Variants in DNAH8 observed in about 807,000 individuals in gnomAD.
DNAH8 encodes dynein axonemal heavy chain 8, also known as axonemal beta dynein heavy chain 8.
Under a neutral mutation model 562.1 loss-of-function variants are expected in DNAH8, and 382 were observed. That is an observed-to-expected ratio of 0.68 (90% confidence interval 0.63 to 0.74). The LOEUF (loss-of-function observed/expected upper bound fraction) is 0.74, where lower values mean the gene tolerates loss of function less well. DNAH8 is among the 30% of genes least tolerant of loss of function. The pLI is 0.00. For missense variants in DNAH8, 5,203 were observed against 5,620.4 expected, an observed-to-expected ratio of 0.93 and a Z score of 2.37; for synonymous variants, 1,881 against 1,919.4, an observed-to-expected ratio of 0.98 and a Z score of 0.52.
At chr6:38,769,912 T>C (rs935157161) in intron 11 of DNAH8, among the ~76,000 whole-genome samples, 3 of 152,236 alleles carry the variant, frequency 2.0e-5, no homozygotes, top group African/African-American at 7.2e-5. Flanking sequence ...TACCCAGCAA[T>C]CTTATTCTCT....
At position 38,907,962 on chromosome 6, in the gene DNAH8, A is replaced by G. The variant is rs1004082639; in HGVS notation, c.9355A>G (p.Asn3119Asp). The change falls in exon 64 of 93, where the codon AAC becomes GAC. Residue 3119 changes from asparagine (N) to aspartate (D), a missense_variant. This residue lies in a region of DNAH8 where 977 missense variants were observed against 1,061.8 expected (regional missense o/e 0.92). Transcript: ENST00000327475. The stretch of plus-strand genomic sequence containing the variant: ...CCTTGTCCATTCCTTAAAGATCTCC[A>G]ACTTGTTTGCACGAGATGAGATGGA... ...NNLLSSGEIS[N>D]LFARDEMDEI... 6.3e-7 allele frequency: 1 copy of G among 1,596,754 alleles called. No individual in the cohort carries two copies. Among genetic ancestry groups the G allele is most frequent in the Non-Finnish European group, 8.5e-7 (1 of 1,173,324 alleles).
intron 49 of DNAH8, among the ~76,000 whole-genome samples, chr6:38,871,909 T>C (rs1777497517): frequency 6.6e-6 from 1 of 152,194 alleles, no homozygotes; most frequent in Non-Finnish European, 1.5e-5. Flanking sequence ...GGAGCAATCT[T>C]TGAGGTGTAA....
intron 85 of DNAH8, among the ~76,000 whole-genome samples, chr6:38,980,126 C>T (rs1763929045): frequency 6.6e-6 from 1 of 152,108 alleles, no homozygotes. Flanking sequence ...ACTGGGTGAG[C>T]CTCAGCATTG....
chr6:38,753,868 C>T (rs893595479), intron 9 of DNAH8, among the ~76,000 whole-genome samples: 3 of 152,094 alleles, frequency 2.0e-5, no homozygotes. Context: ...TCAAGCATCA[C>T]CTTTTGAAAT....
intron 32 of DNAH8, among the ~76,000 whole-genome samples, chr6:38,834,964 A>G (rs113425869): frequency 3.9e-5 from 6 of 152,306 alleles, no homozygotes; most frequent in African/African-American, 1.4e-4. Flanking sequence ...TAATATTTTA[A>G]ATATTGGCAA....
chr6:38,941,720 T>G (rs1426645790), intron 79 of DNAH8, among the ~76,000 whole-genome samples: 1 of 152,208 alleles, frequency 6.6e-6, no homozygotes, highest in Non-Finnish European at 1.5e-5. Flanking sequence ...TCACTTGGAC[T>G]TGGGCTGCAG....
At chr6:38,864,112 T>C (rs1000061713) in intron 45 of DNAH8, 52 bp downstream of exon 45, 3 of 1,533,824 alleles carry the variant, frequency 2.0e-6, no homozygotes, top group Admixed American at 4.0e-5. Context: ...GTTACAGACA[T>C]AAATAAAACA....
chr6:38,890,728 C>G lies in DNAH8; in HGVS notation c.8550C>G (p.Val2850=). The change falls in exon 58 of 93, where the codon GTC becomes GTG. Residue 2850 remains valine (V), a synonymous_variant. Transcript: ENST00000327475. ...TATGTGAGATGATTGTGAATTTAGT[C>G]TCAGTGGGTAGAGTGCTGTGGCAAT... The part of the protein sequence containing the change: ...PQICEMIVNL[V]SVGRVLWQWT... 6.2e-7 allele frequency: 1 copy of G among 1,613,652 alleles called. No individual in the cohort carries two copies. The highest frequency in any genetic ancestry group is 1.1e-5 in the South Asian group (1 of 91,058).
chr6:38,737,717 C>T, intron 6 of DNAH8, 92 bp from the exon 7 acceptor site: 1 of 544,320 alleles, frequency 1.8e-6, no homozygotes, highest in Non-Finnish European at 2.6e-6. Context: ...TTAAATACTT[C>T]TTACTATTAA....
intron 21 of DNAH8, among the ~76,000 whole-genome samples, chr6:38,797,021 G>A (rs1770329807): frequency 6.6e-6 from 1 of 152,164 alleles, no homozygotes; most frequent in African/African-American, 2.4e-5. Context: ...TCTACCAATG[G>A]AATAGAAAAT....
chr6:38,850,498 G>A, intron 38 of DNAH8, 84 bp downstream of exon 38: 2 of 1,286,842 alleles, frequency 1.6e-6, no homozygotes, highest in Non-Finnish European at 1.1e-6. Flanking sequence ...CTACATTTCT[G>A]GTTTGGTAGT....
intron 21 of DNAH8, among the ~76,000 whole-genome samples, chr6:38,801,864 C>A (rs1170761257): frequency 6.6e-6 from 1 of 152,154 alleles, no homozygotes; most frequent in Non-Finnish European, 1.5e-5. Context: ...CTTCCCAAGG[C>A]TTTTCTGGAG....
At chr6:38,821,704 C>T (rs992964973) in intron 26 of DNAH8, among the ~76,000 whole-genome samples, 1 of 151,880 alleles carries the variant, frequency 6.6e-6, no homozygotes, top group Non-Finnish European at 1.5e-5. Flanking sequence ...ATGGGACTAC[C>T]GGCACGTGCC....
intron 68 of DNAH8, among the ~76,000 whole-genome samples, chr6:38,916,750 C>T (rs991830170): frequency 3.9e-5 from 6 of 152,120 alleles, no homozygotes; most frequent in African/African-American, 1.4e-4. Context: ...CAAACCCAGC[C>T]AATGGATAGA....
rs1220431537 is a variant in DNAH8, at chr6:38,823,103, A to ATATC, written c.3720+69_3720+70insTATC. The ATATC allele has an allele frequency of 4.6e-5, 63 of 1,375,548 alleles. No individual in the cohort carries two copies. The African/African-American group carries it at 8.0e-4, about 17-fold the overall frequency. 85.2% of individuals were successfully genotyped at this position (1,375,548 alleles called of 1,614,324 possible). A position where few individuals can be genotyped will look rare whatever the true frequency, so the allele number is the denominator to read the frequency against. ...TCTAATTCTTGAGGGTGGACCAGGA[A>ATATC]AATATCAGGGATAATGACAGGAACC... is the stretch of plus-strand genomic sequence containing the variant. On this transcript the variant is annotated intron_variant, in intron 27 of 92. Coordinates refer to ENST00000327475, the MANE Select transcript of DNAH8 (RefSeq NM_001206927.2).
chr6:38,843,002 T>C (rs543192018), intron 35 of DNAH8, 99 bp downstream of exon 35: 9 of 1,304,282 alleles, frequency 6.9e-6, no homozygotes, highest in Middle Eastern at 2.3e-4. Flanking sequence ...GTTGGACTAA[T>C]TGCCCTCTAT....
intron 89 of DNAH8, among the ~76,000 whole-genome samples, chr6:39,010,187 G>A (rs1387505360): frequency 6.6e-6 from 1 of 152,176 alleles, no homozygotes; most frequent in Non-Finnish European, 1.5e-5. Context: ...TCCTATATGG[G>A]AAAGAGTTTG....
chr6:38,836,233 C>T (rs1774276478), intron 32 of DNAH8, among the ~76,000 whole-genome samples: 1 of 151,948 alleles, frequency 6.6e-6, no homozygotes, highest in Admixed American at 6.6e-5. Flanking sequence ...TGATGTAAAC[C>T]AACTGATTAG....
chr6:38,796,388 T>C (rs1026919590), intron 21 of DNAH8, among the ~76,000 whole-genome samples: 6 of 152,152 alleles, frequency 3.9e-5, no homozygotes, highest in African/African-American at 1.4e-4. Flanking sequence ...GTAACTGTTA[T>C]ATCTCTGTGT....
Sources: gnomAD v4.1 joint callset for allele counts (sites outside exome capture counted in the v4.1 genomes callset) on GRCh38, gnomAD v4.1.1 for gene constraint, gnomAD v4.1.1 regional missense constraint, MANE v1.5 for transcripts, NCBI Gene and HGNC (gene_info 2026-07-23, HGNC 2026-07-21) for gene names.